Variants in TAF3 observed in about 807,000 individuals in gnomAD.
TAF3 encodes TATA-box binding protein associated factor 3, also known as transcription initiation factor TFIID subunit 3.
In TAF3, 7 loss-of-function variants were observed where a neutral mutation model predicts 80.6. The ratio of observed to expected loss-of-function variants is 0.09; its 90% CI spans 0.05 to 0.16. The LOEUF is 0.16. Among genes scored for constraint, TAF3 ranks in the 10% least tolerant of loss-of-function variants. The pLI is 1.00. For missense variants in TAF3, 921 were observed against 1,140.2 expected (o/e 0.81, Z 2.77); for synonymous variants, 444 against 446.1 (o/e 1.00, Z 0.06).
At chr10:7,860,452 C>T (rs949618269) in intron 2 of TAF3, among the ~76,000 whole-genome samples, 6 of 152,118 alleles carry the variant, frequency 3.9e-5, no homozygotes, top group African/African-American at 1.4e-4. Flanking sequence ...GTAACCCCTA[C>T]ACTTTTAGTG....
intron 2 of TAF3, among the ~76,000 whole-genome samples, chr10:7,904,344 C>A (rs1342406854): frequency 6.6e-6 from 1 of 152,116 alleles, no homozygotes; most frequent in Non-Finnish European, 1.5e-5. Context: ...TGCTTTGTAG[C>A]CCTAATACAA....
intron 4 of TAF3, among the ~76,000 whole-genome samples, chr10:7,995,606 G>A (rs1490511978): frequency 6.6e-6 from 1 of 152,140 alleles, no homozygotes; most frequent in African/African-American, 2.4e-5. Context: ...CCTTGGAAAT[G>A]GAGATTCTAT....
In TAF3 at chr10:7,917,351, A is replaced by G. The variant is rs564030221; in HGVS notation, c.410-46569A>G. ...TGGATAGCTCAGGTGAAAACATTTCAGGCACGAGGAACAGCAAGTATAGAT... is the reference window on the plus strand; with the variant it reads ...TGGATAGCTCAGGTGAAAACATTTCGGGCACGAGGAACAGCAAGTATAGAT... On this transcript the variant is annotated intron_variant, in intron 2 of 6. Coordinates refer to ENST00000344293, the MANE Select transcript of TAF3 (RefSeq NM_031923.4). Among the ~76,000 whole-genome samples the G allele has an allele frequency of 1.1e-4, 16 of 152,352 alleles. No homozygotes were observed. The South Asian group carries it at 2.1e-3, about 20-fold the overall frequency.
chr10:7,959,731 C>T (rs900065293), intron 2 of TAF3, among the ~76,000 whole-genome samples: 2 of 152,154 alleles, frequency 1.3e-5, no homozygotes, highest in East Asian at 3.8e-4. Context: ...TCACATTCTT[C>T]CTTCATTCAA....
chr10:7,913,285 C>T (rs567564605), intron 2 of TAF3, among the ~76,000 whole-genome samples: 22 of 152,212 alleles, frequency 1.4e-4, no homozygotes, highest in Non-Finnish European at 2.5e-4. Flanking sequence ...TGATTGAGTT[C>T]ATAGCAGATG....
At chr10:7,881,602 A>G (rs1243534299) in intron 2 of TAF3, among the ~76,000 whole-genome samples, 1 of 152,186 alleles carries the variant, frequency 6.6e-6, no homozygotes, top group Non-Finnish European at 1.5e-5. Flanking sequence ...TTACAAATAA[A>G]AAGAGCAAGA....
chr10:7,973,997 A>T (rs1831645844), intron 3 of TAF3, among the ~76,000 whole-genome samples: 1 of 152,000 alleles, frequency 6.6e-6, no homozygotes, highest in African/African-American at 2.4e-5. Flanking sequence ...GCATGGTGGC[A>T]TGCACCTGTA....
At chr10:7,974,354 C>T (rs1362738705) in intron 3 of TAF3, among the ~76,000 whole-genome samples, 1 of 152,022 alleles carries the variant, frequency 6.6e-6, no homozygotes. Flanking sequence ...CAAGTTGATA[C>T]GTTAAGATTT....
chr10:7,933,996 G>A (rs901093100), intron 2 of TAF3, among the ~76,000 whole-genome samples: 4 of 152,140 alleles, frequency 2.6e-5, no homozygotes, highest in African/African-American at 9.7e-5. Flanking sequence ...CAGAATGAGT[G>A]TCAATGGCTT....
intron 2 of TAF3, among the ~76,000 whole-genome samples, chr10:7,827,609 G>A (rs1412717679): frequency 2.0e-5 from 3 of 151,994 alleles, no homozygotes; most frequent in Non-Finnish European, 4.4e-5. Context: ...GTGAAACCCC[G>A]TCTCTACTAA....
At chr10:7,977,459 C>T (rs1831684499) in intron 4 of TAF3, 136 bp downstream of exon 4, 6 of 684,138 alleles carry the variant, frequency 8.8e-6, no homozygotes, top group Non-Finnish European at 1.1e-5. Context: ...TAGAACTCTT[C>T]GTTTTCAAGT....
chr10:7,906,777 G>A (rs1326534485), intron 2 of TAF3, among the ~76,000 whole-genome samples: 1 of 150,960 alleles, frequency 6.6e-6, no homozygotes, highest in African/African-American at 2.4e-5. Flanking sequence ...TTGTAAAGGA[G>A]GATCAGTTGA....
chr10:8,010,300 T>A (rs572523230), intron 5 of TAF3, among the ~76,000 whole-genome samples: 14 of 152,224 alleles, frequency 9.2e-5, no homozygotes, highest in Non-Finnish European at 1.9e-4. Flanking sequence ...CCTCCATAAA[T>A]CATATCAAAG....
intron 2 of TAF3, among the ~76,000 whole-genome samples, chr10:7,930,072 C>T (rs1369096334): frequency 6.6e-6 from 1 of 152,124 alleles, no homozygotes; most frequent in Non-Finnish European, 1.5e-5. Flanking sequence ...GTGGCACACA[C>T]CTGTGGTCTC....
chr10:7,825,346 A>G (rs1041338910), intron 2 of TAF3, among the ~76,000 whole-genome samples: 1 of 152,230 alleles, frequency 6.6e-6, no homozygotes, highest in African/African-American at 2.4e-5. Context: ...ATTGTAAAAT[A>G]TACATAACAT....
chr10:7,865,660 A>G (rs1421075791), intron 2 of TAF3, among the ~76,000 whole-genome samples: 3 of 152,200 alleles, frequency 2.0e-5, no homozygotes, highest in Admixed American at 6.5e-5. Flanking sequence ...CAAAGTAGCA[A>G]CTAGGTTCAT....
intron 2 of TAF3, among the ~76,000 whole-genome samples, chr10:7,932,042 A>G (rs1439292209): frequency 1.3e-5 from 2 of 152,220 alleles, no homozygotes; most frequent in African/African-American, 4.8e-5. Context: ...ATATAGAGAT[A>G]CAGAAATGCA....
At chr10:7,895,888 C>T (rs1018947284) in intron 2 of TAF3, among the ~76,000 whole-genome samples, 1 of 152,206 alleles carries the variant, frequency 6.6e-6, no homozygotes, top group Non-Finnish European at 1.5e-5. Flanking sequence ...CCCACCCCTG[C>T]GCCTAGTTAT....
intron 4 of TAF3, among the ~76,000 whole-genome samples, chr10:8,008,740 G>T (rs1039889366): frequency 6.6e-6 from 1 of 152,192 alleles, no homozygotes. Context: ...CAGCAGAGGT[G>T]GGGGTGGGGA....
Sources: gnomAD v4.1 joint callset for allele counts (sites outside exome capture counted in the v4.1 genomes callset) on GRCh38, gnomAD v4.1.1 for gene constraint, MANE v1.5 for transcripts, NCBI Gene and HGNC (gene_info 2026-07-23, HGNC 2026-07-21) for gene names.